ATF7IP: variants seen among roughly 807,000 people sequenced by gnomAD.
ATF7IP encodes the protein activating transcription factor 7 interacting protein.
A neutral mutation model predicts 106.4 loss-of-function variants in ATF7IP; 23 were observed. The observed-to-expected ratio is 0.22, with a 90% CI of 0.16 to 0.31. ATF7IP has a LOEUF of 0.31. Ranked by LOEUF, ATF7IP falls within the 10% of genes least tolerant of loss-of-function variation. ATF7IP has a pLI of 1.00. For synonymous variants in ATF7IP, 542 were observed against 539.0 expected, an observed-to-expected ratio of 1.01 and a Z score of -0.08; for missense variants, 1,334 against 1,524.3, an observed-to-expected ratio of 0.88 and a Z score of 2.08.
intron 11 of ATF7IP, chr12:14,476,460 T>G (rs1230399769): frequency 6.8e-6 from 1 of 146,230 alleles, no homozygotes; most frequent in Admixed American, 6.8e-5. Flanking sequence ...CTTAAATGAG[T>G]ATGAACAATG....
At position 14,424,440 on chromosome 12, in the gene ATF7IP, CTCTGGTGATGCCCCT is replaced by C. The variant is rs920660771; in HGVS notation, c.536_550del (p.Ala179_Asp183del). ...GTGATGCTGCCTCTGGTGATGCAAC[CTCTGGTGATGCCCCT>C]TCTGGTGATGTGTCCCCTGGTGATG... On this transcript the variant is annotated inframe_deletion, in exon 2 of 15. Transcript: ENST00000261168. 2 of 1,613,414 alleles carry C rather than the reference CTCTGGTGATGCCCCT, an allele frequency of 1.2e-6. No individual in the cohort carries two copies. Among genetic ancestry groups the C allele is most frequent in the Non-Finnish European group, 1.7e-6 (2 of 1,179,720 alleles).
intron 12 of ATF7IP, among the ~76,000 whole-genome samples, chr12:14,479,425 G>C (rs1213715290): frequency 6.6e-6 from 1 of 152,084 alleles, no homozygotes; most frequent in Non-Finnish European, 1.5e-5. Flanking sequence ...TTTGTCTTCT[G>C]TATAGCAGCA....
rs1467157784 is a variant in ATF7IP, at chr12:14,499,312, A to G, written c.*1239A>G. ...TTCTTCTAAAACTATAGATGCTTTT[A>G]TTTTTGGTCACTATTTAACTTTGTG... On this transcript the variant is annotated 3_prime_UTR_variant, in exon 15 of 15. Coordinates refer to ENST00000261168, the MANE Select transcript of ATF7IP (RefSeq NM_018179.5). 2 of 152,210 alleles carry G rather than the reference A, an allele frequency of 1.3e-5. No individual in the cohort carries two copies. Among genetic ancestry groups the G allele is most frequent in the Non-Finnish European group, 2.9e-5 (2 of 68,020 alleles). 9.4% of individuals were successfully genotyped at this position (152,210 alleles called of 1,614,324 possible). A position where few individuals can be genotyped will look rare whatever the true frequency, so the allele number is the denominator to read the frequency against.
intron 1 of ATF7IP, among the ~76,000 whole-genome samples, chr12:14,390,348 GGGAGCCAAATGAA>G (rs1939477575): frequency 6.6e-6 from 1 of 152,148 alleles, no homozygotes. Flanking sequence ...AGAGTGCCAT[GGGAGCCAAATGAA>G]GGAGATCCAA....
Position 14,436,228 on chromosome 12 carries a change from G to A in ATF7IP, c.1768G>A (p.Asp590Asn). 1 of 1,612,852 alleles carries A rather than the reference G, an allele frequency of 6.2e-7. No individual in the cohort carries two copies. Among genetic ancestry groups the A allele is most frequent in the African/African-American group, 1.3e-5 (1 of 74,938 alleles). Residue 590 changes from aspartate to asparagine, a missense_variant, in exon 4 of 15, where the codon GAC becomes AAC. Asp to Asn is a conservative substitution (Grantham distance 23). Transcript: ENST00000261168. Reference protein sequence around the residue: ...EFQVKITAKGDINQKLQKVIQ... With the variant: ...EFQVKITAKGNINQKLQKVIQ... ...TCAAGTAAAGATTACAGCCAAAGGA[G>A]ACATTAACCAGAAACTTCAAAAGGT...
At chr12:14,416,413 A>G (rs1941209780) in intron 1 of ATF7IP, among the ~76,000 whole-genome samples, 1 of 152,208 alleles carries the variant, frequency 6.6e-6, no homozygotes, top group Admixed American at 6.5e-5. Flanking sequence ...CCTTTGTCAA[A>G]GATAGAAATG....
intron 10 of ATF7IP, among the ~76,000 whole-genome samples, chr12:14,472,521 G>A (rs1944089389): frequency 6.6e-6 from 1 of 152,084 alleles, no homozygotes; most frequent in South Asian, 2.1e-4. Context: ...CACCCCACCA[G>A]TAACTTTTGT....
chr12:14,425,291 C>T lies in ATF7IP; in HGVS notation c.1376C>T (p.Pro459Leu), dbSNP rs776378353. Residue 459 changes from proline (P) to leucine (L), a missense_variant, in exon 2 of 15, where the codon CCA becomes CTA. Around this residue, in one of 10 missense-constraint regions of ATF7IP, gnomAD observed 41 missense variants for 60.4 expected, o/e 0.68. Transcript: ENST00000261168. ...TGCTTTTCTAAAACATCTCTCCTTC[C>T]AATCGATGAGACAAATCCAGATTTG... ...LTCFSKTSLL[P>L]IDETNPDLEE... 16 of 1,603,398 alleles carry T rather than the reference C, an allele frequency of 1.0e-5. No individual in the cohort carries two copies. The highest frequency in any genetic ancestry group is 1.3e-5 in the African/African-American group (1 of 74,172).
At chr12:14,388,829 G>A (rs1353554642) in intron 1 of ATF7IP, among the ~76,000 whole-genome samples, 2 of 152,072 alleles carry the variant, frequency 1.3e-5, no homozygotes, top group African/African-American at 2.4e-5. Flanking sequence ...TAGTAGAGAC[G>A]GGGTTTTATC....
At chr12:14,432,336 G>T (rs748077675) in intron 2 of ATF7IP, among the ~76,000 whole-genome samples, 3 of 152,100 alleles carry the variant, frequency 2.0e-5, no homozygotes, top group Non-Finnish European at 4.4e-5. Context: ...CTAACAATGA[G>T]TATTAAAATC....
intron 4 of ATF7IP, among the ~76,000 whole-genome samples, chr12:14,436,653 C>G (rs1166550405): frequency 2.6e-5 from 4 of 152,164 alleles, no homozygotes; most frequent in African/African-American, 9.7e-5. Context: ...GATCATGCCA[C>G]TTCACTCCAG....
chr12:14,399,556 G>T (rs185127563), intron 1 of ATF7IP, among the ~76,000 whole-genome samples: 35 of 151,480 alleles, frequency 2.3e-4, no homozygotes, highest in African/African-American at 6.8e-4. Context: ...TGGAAAACTT[G>T]TATATTTTTT....
chr12:14,396,665 T>C (rs1425061261), intron 1 of ATF7IP, among the ~76,000 whole-genome samples: 1 of 152,052 alleles, frequency 6.6e-6, no homozygotes, highest in African/African-American at 2.4e-5. Context: ...TCTTGTGCTA[T>C]TATATTGGTT....
intron 13 of ATF7IP, among the ~76,000 whole-genome samples, chr12:14,484,144 T>C (rs1223015203): frequency 6.6e-6 from 1 of 152,122 alleles, no homozygotes; most frequent in Admixed American, 6.5e-5. Flanking sequence ...GGGCTCAGTG[T>C]TGGTCTCTGC....
intron 5 of ATF7IP, among the ~76,000 whole-genome samples, chr12:14,446,097 A>G (rs1168860406): frequency 6.6e-6 from 1 of 152,116 alleles, no homozygotes; most frequent in Non-Finnish European, 1.5e-5. Flanking sequence ...ACAAATGATT[A>G]ATAATCTCAC....
chr12:14,385,329 A>G, intron 1 of ATF7IP: 1 of 1,499,304 alleles, frequency 6.7e-7, no homozygotes, highest in South Asian at 1.2e-5. Flanking sequence ...ATGGCTGCTA[A>G]CCTAGTCTTT....
intron 1 of ATF7IP, among the ~76,000 whole-genome samples, chr12:14,404,741 AC>A (rs1231224814): frequency 6.6e-6 from 1 of 152,216 alleles, no homozygotes; most frequent in African/African-American, 2.4e-5. Flanking sequence ...CAACTTAGTA[AC>A]AAACACAACT....
At chr12:14,494,444 A>G (rs1326106638) in intron 13 of ATF7IP, among the ~76,000 whole-genome samples, 3 of 144,932 alleles carry the variant, frequency 2.1e-5, no homozygotes, top group Non-Finnish European at 4.5e-5. Flanking sequence ...TTATATATGT[A>G]TTAAACTAAT....
Position 14,478,423 on chromosome 12 carries a change from G to A in ATF7IP, c.3048G>A (p.Gly1016=), listed in dbSNP as rs746642568. 6.2e-7 allele frequency: 1 copy of A among 1,613,890 alleles called. No individual in the cohort carries two copies. Among genetic ancestry groups the A allele is most frequent in the South Asian group, 1.1e-5 (1 of 91,086 alleles). Residue 1016 remains glycine (G), a synonymous_variant, in exon 12 of 15, where the codon GGG becomes GGA. Coordinates refer to ENST00000261168, the MANE Select transcript of ATF7IP (RefSeq NM_018179.5). ...IQPAPPLQPS[G]VPTSGPSQTT... ...CAGCACCGCCTCTTCAACCATCTGG[G>A]GTGCCAACAAGTGGACCATCTCAGA...
Sources: gnomAD v4.1 joint callset for allele counts (sites outside exome capture counted in the v4.1 genomes callset) on GRCh38, gnomAD v4.1.1 for gene constraint, gnomAD v4.1.1 regional missense constraint, MANE v1.5 for transcripts, NCBI Gene and HGNC (gene_info 2026-07-23, HGNC 2026-07-21) for gene names.